TAS2R1: variants seen among roughly 807,000 people sequenced by gnomAD.
TAS2R1 encodes taste receptor type 2 member 1.
For missense variants in TAS2R1, 370 were observed against 353.4 expected (o/e 1.05, Z -0.38); for synonymous variants, 141 against 134.2 (o/e 1.05, Z -0.35).
chr5:9,629,402 T>C lies in TAS2R1; in HGVS notation c.631A>G (p.Thr211Ala). The change falls in exon 1 of 1, where the codon ACA becomes GCA. Residue 211 changes from threonine to alanine, a missense_variant. By Grantham distance (58) the Thr-to-Ala change is moderately conservative. Transcript: ENST00000382492. The stretch of plus-strand genomic sequence containing the variant: ...CCAGGAACCCTGCTGCCGGCCACTG[T>C]GTTTCTCATTTGCCGGGTGTGCCTC... ...LGRHTRQMRN[T>A]VAGSRVPGRG... 1 of 1,614,154 alleles carries C rather than the reference T, an allele frequency of 6.2e-7. No individual in the cohort carries two copies. Among genetic ancestry groups the C allele is most frequent in the East Asian group, 2.2e-5 (1 of 44,868 alleles).
chr5:9,788,367 G>A, the TAS2R1 span, among the ~76,000 whole-genome samples: 1 of 152,110 alleles, frequency 6.6e-6, no homozygotes, highest in Non-Finnish European at 1.5e-5. Context: ...AGTCAAGCTG[G>A]GGCTGCACGG....
rs1300036414 is a variant in TAS2R1 at position 9,707,661 on chromosome 5, C to T, written c.-242+4511G>A. On this transcript the variant is annotated intron_variant, in intron 1 of 2. Coordinates refer to the TAS2R1 transcript ENST00000506620. ...TCGCACCACTGCACTCTAGCCTGGG[C>T]GACAGAGTGAGACTCTGTCTCATAC... is the stretch of plus-strand genomic sequence containing the variant. Among the ~76,000 whole-genome samples, 78 of 151,712 alleles carry T rather than the reference C, an allele frequency of 5.1e-4. 1 individual carries two copies. Among genetic ancestry groups the T allele is most frequent in the South Asian group, 2.1e-4 (1 of 4,810 alleles).
chr5:9,807,859 T>C, the TAS2R1 span, among the ~76,000 whole-genome samples: 12 of 152,008 alleles, frequency 7.9e-5, no homozygotes, highest in African/African-American at 2.7e-4. Context: ...TAAAAACCTA[T>C]TGAAATAAAA....
At chr5:9,889,389 G>A in the TAS2R1 span, among the ~76,000 whole-genome samples, 3 of 152,194 alleles carry the variant, frequency 2.0e-5, no homozygotes, top group Admixed American at 2.0e-4. Flanking sequence ...TCATGTATCT[G>A]GCTGACGTAG....
chr5:9,685,663 A>C (rs1258341726), intron 1 of TAS2R1, among the ~76,000 whole-genome samples: 3 of 152,056 alleles, frequency 2.0e-5, no homozygotes, highest in South Asian at 2.1e-4. Flanking sequence ...CTGTGCAAAC[A>C]CCCATCCAGG....
the TAS2R1 span, among the ~76,000 whole-genome samples, chr5:9,828,962 A>G: frequency 4.6e-5 from 7 of 152,338 alleles, no homozygotes; most frequent in Admixed American, 2.6e-4. Context: ...TACTGGGTAT[A>G]TGGACTCTGT....
chr5:9,759,835 T>C, the TAS2R1 span, among the ~76,000 whole-genome samples: 1 of 152,244 alleles, frequency 6.6e-6, no homozygotes, highest in African/African-American at 2.4e-5. Context: ...TGAACCAATG[T>C]GTAGATTCTT....
intron 1 of TAS2R1, among the ~76,000 whole-genome samples, chr5:9,673,502 A>C (rs1333789854): frequency 3.9e-5 from 6 of 152,158 alleles, no homozygotes; most frequent in Middle Eastern, 3.4e-3. Context: ...ATTTGTATCT[A>C]AGTGGCTTCT....
chr5:9,873,206 G>A, the TAS2R1 span, among the ~76,000 whole-genome samples: 6 of 152,096 alleles, frequency 3.9e-5, no homozygotes, highest in East Asian at 9.7e-4. Context: ...CTAGGCTGGC[G>A]CTGTCCACTG....
At chr5:9,727,805 C>G in the TAS2R1 span, among the ~76,000 whole-genome samples, 1 of 152,160 alleles carries the variant, frequency 6.6e-6, no homozygotes, top group Non-Finnish European at 1.5e-5. Flanking sequence ...CCCAAGGCAG[C>G]CTTGCAGAGC....
chr5:9,756,067 A>G, the TAS2R1 span, among the ~76,000 whole-genome samples: 13 of 152,218 alleles, frequency 8.5e-5, 1 homozygote, highest in Admixed American at 8.5e-4. Context: ...TTTAAAATGG[A>G]GTTGCTCTGG....
At chr5:9,797,520 A>T in the TAS2R1 span, among the ~76,000 whole-genome samples, 1 of 152,112 alleles carries the variant, frequency 6.6e-6, no homozygotes, top group Non-Finnish European at 1.5e-5. Context: ...AACAGCAAAA[A>T]ATTCTAGTCT....
the TAS2R1 span, among the ~76,000 whole-genome samples, chr5:9,788,019 C>T: frequency 6.6e-6 from 1 of 152,160 alleles, no homozygotes; most frequent in Non-Finnish European, 1.5e-5. Flanking sequence ...GCATGGTGAG[C>T]CTGCTGGGCT....
the TAS2R1 span, among the ~76,000 whole-genome samples, chr5:9,877,535 A>G: frequency 6.6e-6 from 1 of 152,206 alleles, no homozygotes; most frequent in Non-Finnish European, 1.5e-5. Flanking sequence ...GCAGTCTCCC[A>G]ATTAATACAT....
At chr5:9,718,278 A>T in the TAS2R1 span, among the ~76,000 whole-genome samples, 3 of 152,044 alleles carry the variant, frequency 2.0e-5, no homozygotes, top group Non-Finnish European at 4.4e-5. Context: ...CACCATAAGT[A>T]AATTTTTAAA....
chr5:9,763,240 C>T, the TAS2R1 span, among the ~76,000 whole-genome samples: 1 of 152,158 alleles, frequency 6.6e-6, no homozygotes, highest in African/African-American at 2.4e-5. Flanking sequence ...CACGGTGGCT[C>T]ACGCCTGTAA....
chr5:9,853,991 G>A, the TAS2R1 span, among the ~76,000 whole-genome samples: 1 of 152,184 alleles, frequency 6.6e-6, no homozygotes. Flanking sequence ...GTTTGCTAGA[G>A]CTGCTGTGGT....
chr5:9,865,037 C>T, the TAS2R1 span, among the ~76,000 whole-genome samples: 4 of 152,082 alleles, frequency 2.6e-5, no homozygotes, highest in African/African-American at 4.8e-5. Flanking sequence ...CACGTCCATA[C>T]GGGTGGATGA....
At chr5:9,741,426 G>A in the TAS2R1 span, among the ~76,000 whole-genome samples, 1 of 152,174 alleles carries the variant, frequency 6.6e-6, no homozygotes, top group African/African-American at 2.4e-5. Flanking sequence ...CACGGATGCT[G>A]ACTGCTCTGA....
Sources: allele counts gnomAD v4.1 joint callset (sites outside exome capture counted in the v4.1 genomes callset), GRCh38; gene constraint gnomAD v4.1.1; transcripts MANE v1.5; gene names NCBI Gene and HGNC (gene_info 2026-07-23, HGNC 2026-07-21).